The following BBS7 variants were observed in gnomAD, a reference collection of about 807,000 sequenced individuals.
The protein encoded by BBS7 is BBSome complex member BBS7.
A neutral mutation model predicts 90.3 loss-of-function variants in BBS7; 50 were observed. That is an observed-to-expected ratio of 0.55 (90% CI 0.44 to 0.70). The LOEUF (loss-of-function observed/expected upper bound fraction) is 0.70. Among genes scored for constraint, BBS7 ranks in the 30% least tolerant of loss-of-function variants. The pLI, the probability that BBS7 is intolerant of heterozygous loss-of-function variation, is 0.00. For synonymous variants in BBS7, 235 were observed against 287.4 expected (o/e 0.82, Z 1.85); for missense variants, 729 against 838.9 (o/e 0.87, Z 1.62).
rs2149061996 is a variant in BBS7 at position 121,839,708 on chromosome 4, A to G, written c.1306-12T>C. 2.5e-6 allele frequency: 4 copies of G among 1,609,882 alleles called. No homozygotes were observed. The highest frequency in any genetic ancestry group is 2.6e-6 in the Non-Finnish European group (3 of 1,176,274). On this transcript the variant is annotated splice_polypyrimidine_tract_variant and intron_variant, in intron 12 of 18. Coordinates refer to ENST00000264499, the MANE Select transcript of BBS7 (RefSeq NM_176824.3). The stretch of plus-strand genomic sequence containing the variant: ...AAGTTGTCGTTTGACTGGGAAGAAT[A>G]CAAAGTGGAGGAAAAGAATGAATCC...
chr4:121,859,242 A>T, intron 4 of BBS7, 64 bp from the exon 5 acceptor site: 1 of 1,391,450 alleles, frequency 7.2e-7, no homozygotes, highest in Non-Finnish European at 1.0e-6. Context: ...TTCAGAGATA[A>T]AAACAGAAAA....
Position 121,855,537 on chromosome 4 carries a change from C to T in BBS7, c.553G>A (p.Glu185Lys). 1 of 1,613,568 alleles carries T rather than the reference C, an allele frequency of 6.2e-7. No individual in the cohort carries two copies. The highest frequency in any genetic ancestry group is 8.5e-7 in the Non-Finnish European group (1 of 1,179,692). ...LQGSDVMYAV[E>K]VPGPPTVLAL... is the part of the protein sequence containing the mutation. ...AAGACAGTAGGGGGTCCAGGAACTT[C>T]AACTGCATACATCACATCAGATCCC... The change falls in exon 6 of 19, where the codon GAA becomes AAA. Residue 185 changes from glutamate (E) to lysine (K), a missense_variant. Transcript: ENST00000264499.
chr4:121,863,640 A>C (rs1560668292), intron 2 of BBS7, among the ~76,000 whole-genome samples: 1 of 152,200 alleles, frequency 6.6e-6, no homozygotes, highest in East Asian at 1.9e-4. Context: ...CCTACAAAGT[A>C]ATTTTTTTTT....
At chr4:121,827,000 A>T (rs6817743) in intron 18 of BBS7, among the ~76,000 whole-genome samples, 6,637 of 152,214 alleles carry the variant, frequency 0.044, 479 homozygotes, top group African/African-American at 0.15. Context: ...AAACAAACAA[A>T]CAAACAAAAA....
intron 4 of BBS7, 62 bp downstream of exon 4, chr4:121,861,442 C>T (rs1198774935): frequency 6.7e-7 from 1 of 1,499,326 alleles, no homozygotes; most frequent in South Asian, 1.2e-5. Context: ...TTAGTTGCCT[C>T]ACATCTATCC....
At chr4:121,844,257 C>G (rs1255828203) in intron 11 of BBS7, among the ~76,000 whole-genome samples, 2 of 152,134 alleles carry the variant, frequency 1.3e-5, no homozygotes, top group Non-Finnish European at 1.5e-5. Context: ...CTCTCACCAC[C>G]CCCTTAAAAG....
intron 2 of BBS7, among the ~76,000 whole-genome samples, chr4:121,866,603 A>C (rs979779657): frequency 6.6e-6 from 1 of 152,000 alleles, no homozygotes; most frequent in Admixed American, 6.6e-5. Flanking sequence ...TCATTTTTAT[A>C]TGGGGTGAGA....
chr4:121,845,276 G>A (rs1725947344), intron 11 of BBS7, among the ~76,000 whole-genome samples: 1 of 152,062 alleles, frequency 6.6e-6, no homozygotes, highest in Non-Finnish European at 1.5e-5. Flanking sequence ...GCTGAGGCAG[G>A]AGAATCACTT....
At chr4:121,865,714 C>T (rs1727231796) in intron 2 of BBS7, among the ~76,000 whole-genome samples, 1 of 152,142 alleles carries the variant, frequency 6.6e-6, no homozygotes, top group South Asian at 2.1e-4. Context: ...GATTTCCTTT[C>T]CTTTGGGTAA....
At chr4:121,828,793 T>A in intron 15 of BBS7, 65 bp from the exon 16 acceptor site, 1 of 956,700 alleles carries the variant, frequency 1.0e-6, no homozygotes, top group Non-Finnish European at 1.6e-6. Flanking sequence ...ACATATATAT[T>A]TTATGATTAG....
Position 121,835,243 on chromosome 4 carries a change from T to TA in BBS7, c.1411dup (p.Tyr471LeufsTer31). On this transcript the variant is annotated frameshift_variant, in exon 14 of 19. Coordinates refer to ENST00000264499, the MANE Select transcript of BBS7 (RefSeq NM_176824.3). LOFTEE classifies it high-confidence loss of function. ...TTTGGGTTGAATTCTTGGAGTCACATATGCTTGTAGTGTGCCATACTGGCC... is the reference window on the plus strand; with the variant it reads ...TTTGGGTTGAATTCTTGGAGTCACATAATGCTTGTAGTGTGCCATACTGGCC... 6.2e-7 allele frequency: 1 copy of TA among 1,613,924 alleles called. No individual in the cohort carries two copies. Among genetic ancestry groups the TA allele is most frequent in the Non-Finnish European group, 8.5e-7 (1 of 1,179,858 alleles).
chr4:121,855,601 C>T (rs368766205), intron 5 of BBS7, 40 bp from the exon 6 acceptor site: 3 of 1,536,460 alleles, frequency 2.0e-6, no homozygotes, highest in Non-Finnish European at 2.7e-6. Flanking sequence ...AGAATACAAA[C>T]TGAAAATAAT....
intron 13 of BBS7, among the ~76,000 whole-genome samples, chr4:121,837,116 T>C (rs1042882620): frequency 1.3e-5 from 2 of 152,096 alleles, no homozygotes; most frequent in East Asian, 3.9e-4. Context: ...TGTGCCACCC[T>C]GCCCAGCTAA....
intron 9 of BBS7, among the ~76,000 whole-genome samples, chr4:121,847,953 C>CA (rs34425747): frequency 3.4e-5 from 5 of 148,970 alleles, no homozygotes; most frequent in Admixed American, 6.7e-5. Flanking sequence ...GACCCTGTCT[C>CA]AAAAAAAAAG....
intron 4 of BBS7, among the ~76,000 whole-genome samples, chr4:121,860,875 A>C (rs1433162683): frequency 1.3e-5 from 2 of 152,196 alleles, no homozygotes; most frequent in Admixed American, 6.5e-5. Flanking sequence ...CTTAAAAAAT[A>C]AAAATAAAAC....
chr4:121,857,940 G>A (rs1726770926), intron 5 of BBS7, among the ~76,000 whole-genome samples: 1 of 151,568 alleles, frequency 6.6e-6, no homozygotes, highest in South Asian at 2.1e-4. Flanking sequence ...CTGAGTAACT[G>A]GGATTACAGG....
chr4:121,832,629 G>A lies in BBS7; in HGVS notation c.1676+602C>T, dbSNP rs145258347. Among the ~76,000 whole-genome samples the A allele has an allele frequency of 4.6e-3, 700 of 152,244 alleles. 5 individuals are homozygous for A. Among genetic ancestry groups the A allele is most frequent in the African/African-American group, 8.7e-3 (362 of 41,552 alleles). On this transcript the variant is annotated intron_variant, in intron 15 of 18. Coordinates refer to ENST00000264499, the MANE Select transcript of BBS7 (RefSeq NM_176824.3). ...GGGTGCAACTAGAAGCTTGAGAAGC[G>A]TATAGAACAATATAATGACCTCCGC...
At chr4:121,832,311 G>C (rs1194838701) in intron 15 of BBS7, among the ~76,000 whole-genome samples, 1 of 152,124 alleles carries the variant, frequency 6.6e-6, no homozygotes, top group Non-Finnish European at 1.5e-5. Flanking sequence ...GACAGAGTGA[G>C]ATCCTGTCTC....
rs995249552 is a variant in BBS7 at position 121,861,456 on chromosome 4, A to G, written c.341+48T>C. The G allele has an allele frequency of 1.9e-6, 3 of 1,564,302 alleles. No homozygotes were observed. The African/African-American group carries it at 4.1e-5, about 21-fold the overall frequency. Reference sequence around the variant, plus strand: ...CTTAGTTGCCTCACATCTATCCAAAATATTATAAATAAGTATGTAAAAATA... The same window carrying G: ...CTTAGTTGCCTCACATCTATCCAAAGTATTATAAATAAGTATGTAAAAATA... On this transcript the variant is annotated intron_variant, in intron 4 of 18. Coordinates refer to ENST00000264499, the MANE Select transcript of BBS7 (RefSeq NM_176824.3).
Sources: gnomAD v4.1 joint callset for allele counts (sites outside exome capture counted in the v4.1 genomes callset) on GRCh38, gnomAD v4.1.1 for gene constraint, MANE v1.5 for transcripts, NCBI Gene and HGNC (gene_info 2026-07-23, HGNC 2026-07-21) for gene names.